Variants in FAM91A1 observed in about 807,000 individuals in gnomAD.
The protein encoded by FAM91A1 is protein FAM91A1.
Under a neutral mutation model 113.5 loss-of-function variants are expected in FAM91A1, and 41 were observed. The observed-to-expected ratio is 0.36, with a 90% CI of 0.28 to 0.47. The LOEUF is 0.47. Among genes scored for constraint, FAM91A1 ranks in the 20% least tolerant of loss-of-function variants. FAM91A1 has a pLI of 1.00. For synonymous variants in FAM91A1, 307 were observed against 347.9 expected, an observed-to-expected ratio of 0.88 and a Z score of 1.31; for missense variants, 696 against 1,001.2, an observed-to-expected ratio of 0.70 and a Z score of 4.11.
chr8:123,800,566 A>G (rs1399777614), intron 18 of FAM91A1, among the ~76,000 whole-genome samples: 1 of 152,184 alleles, frequency 6.6e-6, no homozygotes, highest in Non-Finnish European at 1.5e-5. Context: ...AGTGGGTTTT[A>G]GTGTGTTCAC....
intron 1 of FAM91A1, 113 bp from the exon 2 acceptor site, chr8:123,773,967 T>G (rs1397504475): frequency 5.3e-6 from 4 of 751,976 alleles, no homozygotes; most frequent in Non-Finnish European, 8.8e-6. Flanking sequence ...ATTCTGCAAA[T>G]TAGAGATGCC....
intron 1 of FAM91A1, among the ~76,000 whole-genome samples, chr8:123,769,532 C>G (rs1177753919): frequency 6.6e-6 from 1 of 152,174 alleles, no homozygotes; most frequent in Non-Finnish European, 1.5e-5. Flanking sequence ...AGAGATGTTT[C>G]AACAAGAGTG....
At chr8:123,802,974 A>G (rs538942948) in intron 18 of FAM91A1, among the ~76,000 whole-genome samples, 1 of 152,336 alleles carries the variant, frequency 6.6e-6, no homozygotes, top group Non-Finnish European at 1.5e-5. Flanking sequence ...GAGTGAAGGA[A>G]CAGTGGGTGA....
rs777552318 is a variant in FAM91A1, at chr8:123,799,674, G to A, written c.1695+20G>A. 7 of 1,612,832 alleles carry A rather than the reference G, an allele frequency of 4.3e-6. No homozygotes were observed. The highest frequency in any genetic ancestry group is 2.7e-5 in the African/African-American group (2 of 74,802). ...TTTCAGGTATGTGTGGGAGGTTTGG[G>A]TGGTTTTTTTATGTGTGTGTGAGCA... On this transcript the variant is annotated intron_variant, in intron 17 of 23. Coordinates refer to ENST00000334705, the MANE Select transcript of FAM91A1 (RefSeq NM_144963.4).
intron 1 of FAM91A1, 131 bp downstream of exon 1, chr8:123,768,905 G>C: frequency 1.1e-6 from 1 of 924,976 alleles, no homozygotes; most frequent in Non-Finnish European, 1.7e-6. Flanking sequence ...CGTGGTCTTG[G>C]GGAGACGGAC....
chr8:123,787,746 A>G lies in FAM91A1; in HGVS notation c.1274A>G (p.Glu425Gly). 6.2e-7 allele frequency: 1 copy of G among 1,610,842 alleles called. No homozygotes were observed. The highest frequency in any genetic ancestry group is 1.3e-5 in the African/African-American group (1 of 74,902). ...CTGGACAGCTTTCTTATAGAACTAG[A>G]AAAGGTAAATGTAGATTGCATGTAA... is the stretch of plus-strand genomic sequence containing the variant. ...ESLDSFLIEL[E>G]KVQSTGEGEA... Residue 425 changes from glutamate (E) to glycine (G), a missense_variant, in exon 14 of 24, where the codon GAA becomes GGA. Coordinates refer to ENST00000334705, the MANE Select transcript of FAM91A1 (RefSeq NM_144963.4).
chr8:123,810,646 G>A, intron 23 of FAM91A1: 2 of 435,406 alleles, frequency 4.6e-6, no homozygotes, highest in Non-Finnish European at 8.1e-6. Context: ...TTTGGTTATA[G>A]CGCACTTCCC....
At chr8:123,787,553 C>T in intron 13 of FAM91A1, 111 bp from the exon 14 acceptor site, 1 of 1,043,182 alleles carries the variant, frequency 9.6e-7, no homozygotes, top group Non-Finnish European at 1.4e-6. Flanking sequence ...AGCCCCTCAC[C>T]CCCCAATCCT....
chr8:123,815,386 A>G lies in FAM91A1; in HGVS notation c.*2682A>G, dbSNP rs534388404. On this transcript the variant is annotated 3_prime_UTR_variant, in exon 24 of 24. Coordinates refer to ENST00000334705, the MANE Select transcript of FAM91A1 (RefSeq NM_144963.4). ...CAATGAAATCTATAAAGTGTTGTCA[A>G]TTTGATTATTGACACATATAACATG... 6 of 152,674 alleles carry G rather than the reference A, an allele frequency of 3.9e-5. No homozygotes were observed. In the East Asian group the frequency reaches 7.7e-4, roughly 20 times the overall value. 9.5% of individuals were successfully genotyped at this position (152,674 alleles called of 1,614,324 possible). A position where few individuals can be genotyped will look rare whatever the true frequency, so the allele number is the denominator to read the frequency against.
intron 18 of FAM91A1, among the ~76,000 whole-genome samples, chr8:123,801,377 T>C (rs1474281516): frequency 6.6e-6 from 1 of 152,182 alleles, no homozygotes; most frequent in East Asian, 1.9e-4. Context: ...TAATGGCAAC[T>C]AGTGGTAAGG....
chr8:123,799,465 G>C, intron 16 of FAM91A1, 55 bp from the exon 17 acceptor site: 5 of 1,528,420 alleles, frequency 3.3e-6, no homozygotes, highest in South Asian at 1.3e-5. Context: ...GACTGTTCTC[G>C]GTCACTTATG....
In FAM91A1 at chr8:123,780,576, G is replaced by C. The variant is rs564764489; in HGVS notation, c.703+34G>C. Reference sequence around the variant, plus strand: ...GTGCTAACATTTTTCACTGTTTTTTGAATGGATATCAGGTGCTAAGCATTG... The same window carrying C: ...GTGCTAACATTTTTCACTGTTTTTTCAATGGATATCAGGTGCTAAGCATTG... On this transcript the variant is annotated intron_variant, in intron 8 of 23. Transcript: ENST00000334705. 22 of 1,561,082 alleles carry C rather than the reference G, an allele frequency of 1.4e-5. No individual in the cohort carries two copies. In the South Asian group the frequency reaches 2.3e-4, roughly 16 times the overall value.
chr8:123,786,342 C>T (rs2130088445), intron 11 of FAM91A1, among the ~76,000 whole-genome samples, 153 bp from the exon 12 acceptor site: 1 of 152,248 alleles, frequency 6.6e-6, no homozygotes, highest in Non-Finnish European at 1.5e-5. Context: ...TGTATGTAGG[C>T]AGAGCATTTT....
chr8:123,810,211 A>G, intron 22 of FAM91A1, 71 bp from the exon 23 acceptor site: 1 of 1,450,868 alleles, frequency 6.9e-7, no homozygotes, highest in Non-Finnish European at 9.4e-7. Flanking sequence ...TGCTAAAATT[A>G]AACTCTTATG....
chr8:123,810,654 C>A (rs1397399944), intron 23 of FAM91A1: 6 of 409,606 alleles, frequency 1.5e-5, no homozygotes, highest in Non-Finnish European at 2.2e-5. Context: ...TAGCGCACTT[C>A]CCAATAACTA....
chr8:123,799,283 C>G (rs1815618542), intron 16 of FAM91A1, among the ~76,000 whole-genome samples: 1 of 152,118 alleles, frequency 6.6e-6, no homozygotes, highest in South Asian at 2.1e-4. Context: ...AGGGCAAAAC[C>G]AAGATTCCAA....
chr8:123,782,907 C>T (rs1019564700), intron 8 of FAM91A1, among the ~76,000 whole-genome samples: 3 of 152,150 alleles, frequency 2.0e-5, no homozygotes, highest in African/African-American at 7.2e-5. Flanking sequence ...CAGTGGCTCA[C>T]ACCTGTAATC....
chr8:123,786,449 G>A, intron 11 of FAM91A1, 46 bp from the exon 12 acceptor site: 1 of 1,285,120 alleles, frequency 7.8e-7, no homozygotes, highest in South Asian at 1.2e-5. Context: ...TTAATGTAAG[G>A]TCATTTATAT....
intron 3 of FAM91A1, 105 bp from the exon 4 acceptor site, chr8:123,777,160 T>C: frequency 1.2e-6 from 1 of 801,344 alleles, no homozygotes; most frequent in Non-Finnish European, 1.9e-6. Flanking sequence ...ATCTTACTGC[T>C]TCCTGTAATA....
Sources: gnomAD v4.1 joint callset for allele counts (sites outside exome capture counted in the v4.1 genomes callset) on GRCh38, gnomAD v4.1.1 for gene constraint, MANE v1.5 for transcripts, NCBI Gene and HGNC (gene_info 2026-07-23, HGNC 2026-07-21) for gene names.